The following ADD3 variants were observed in gnomAD, a reference collection of about 807,000 sequenced individuals.
ADD3 encodes the protein gamma-adducin.
ADD3 carries 25 observed loss-of-function variants against 80.2 expected under a neutral mutation model. The ratio of observed to expected loss-of-function variants is 0.31; its 90% CI spans 0.23 to 0.44. The LOEUF (loss-of-function observed/expected upper bound fraction) is 0.44, where lower values mean the gene tolerates loss of function less well. Among genes scored for constraint, ADD3 ranks in the 20% least tolerant of loss-of-function variants. The pLI is 1.00. For missense variants in ADD3, 829 were observed against 847.5 expected (o/e 0.98, Z 0.27); for synonymous variants, 284 against 289.6 (o/e 0.98, Z 0.20).
chr10:109,998,148 T>C (rs1271810098), intron 1 of ADD3, among the ~76,000 whole-genome samples: 1 of 152,178 alleles, frequency 6.6e-6, no homozygotes, highest in African/African-American at 2.4e-5. Context: ...AAAGTGGAGT[T>C]TGTACTCTGA....
At chr10:110,098,588 C>A (rs1361368472) in intron 1 of ADD3, among the ~76,000 whole-genome samples, 1 of 152,078 alleles carries the variant, frequency 6.6e-6, no homozygotes, top group Non-Finnish European at 1.5e-5. Context: ...TCTTTTAACA[C>A]CCATATTTCT....
intron 1 of ADD3, among the ~76,000 whole-genome samples, chr10:110,030,438 C>T (rs1017782319): frequency 5.9e-5 from 9 of 151,320 alleles, no homozygotes; most frequent in Non-Finnish European, 1.2e-4. Context: ...GTTTGACAAA[C>T]TGACTGTGAG....
At chr10:110,072,966 C>T in intron 1 of ADD3, among the ~76,000 whole-genome samples, 1 of 152,046 alleles carries the variant, frequency 6.6e-6, no homozygotes, top group East Asian at 1.9e-4. Context: ...TTGAGTTTTA[C>T]TCCCTCAGCT....
chr10:110,124,259 C>T lies in ADD3; in HGVS notation c.1386C>T (p.Pro462=), dbSNP rs1335272105. The change falls in exon 10 of 15, where the codon CCC becomes CCT. Residue 462 remains proline (P), a synonymous_variant. Coordinates refer to ENST00000356080, the MANE Select transcript of ADD3 (RefSeq NM_016824.5). ...PEESRNGETS[P]RTKITWMKAE... is the part of the protein sequence containing the mutation. Reference sequence around the variant, plus strand: ...AGTCTCGGAACGGAGAAACCAGTCCCCGAACCAAAATCACGGTATGCCAGT... The same window carrying T: ...AGTCTCGGAACGGAGAAACCAGTCCTCGAACCAAAATCACGGTATGCCAGT... The T allele has an allele frequency of 1.9e-6, 3 of 1,613,752 alleles. No individual in the cohort carries two copies. Among genetic ancestry groups the T allele is most frequent in the Admixed American group, 1.7e-5 (1 of 59,996 alleles).
At chr10:110,077,242 C>T (rs1041409983) in intron 1 of ADD3, 3 of 152,038 alleles carry the variant, frequency 2.0e-5, no homozygotes, top group African/African-American at 7.2e-5. Flanking sequence ...TTGGGAGGAG[C>T]CTCTGGCTTT....
chr10:110,062,200 T>TAAAAAA (rs57540485), intron 1 of ADD3, among the ~76,000 whole-genome samples: 3 of 35,234 alleles, frequency 8.5e-5, no homozygotes, highest in African/African-American at 3.1e-4. Context: ...CTGTCTCTAC[T>TAAAAAA]AAAAAAAAAA....
Position 110,134,185 on chromosome 10 carries a change from C to T in ADD3, c.*567C>T, listed in dbSNP as rs1047547288. The T allele has an allele frequency of 6.6e-6, 1 of 152,322 alleles. No individual in the cohort carries two copies. The highest frequency in any genetic ancestry group is 6.6e-5 in the Admixed American group (1 of 15,264). 9.4% of individuals were successfully genotyped at this position (152,322 alleles called of 1,614,324 possible). On this transcript the variant is annotated 3_prime_UTR_variant, in exon 15 of 15. Coordinates refer to ENST00000356080, the MANE Select transcript of ADD3 (RefSeq NM_016824.5). ...TTATTCACAGTATAAAATTTCCTCA[C>T]CTGAAGTAACTTTGTTTGCCAAAAA...
In ADD3 at chr10:110,024,930, C is replaced by CTT. The variant is rs769862106; in HGVS notation, c.-30+16644_-30+16645dup. ...AACCACTCAAGTTTCCTCCTCTTTT[C>CTT]TTTTTTTTTTTTTTGGAGACAGAGT... On this transcript the variant is annotated intron_variant, in intron 1 of 14. Coordinates refer to ENST00000356080, the MANE Select transcript of ADD3 (RefSeq NM_016824.5). Among the ~76,000 whole-genome samples the CTT allele has an allele frequency of 1.4e-3, 193 of 141,482 alleles. 1 individual carries two copies. The highest frequency in any genetic ancestry group is 4.5e-3 in the African/African-American group (176 of 38,942). 92.8% of individuals were successfully genotyped at this position (141,482 alleles called of 152,430 possible). A position where few individuals can be genotyped will look rare whatever the true frequency, so the allele number is the denominator to read the frequency against.
chr10:110,026,330 A>G (rs1020206278), intron 1 of ADD3, among the ~76,000 whole-genome samples: 85 of 143,230 alleles, frequency 5.9e-4, no homozygotes, highest in African/African-American at 2.2e-3. Context: ...TGCCCAGGCT[A>G]GAGTGCAGTG....
At chr10:110,019,299 T>C (rs943170411) in intron 1 of ADD3, among the ~76,000 whole-genome samples, 4 of 152,272 alleles carry the variant, frequency 2.6e-5, no homozygotes, top group Admixed American at 6.5e-5. Flanking sequence ...CCTTACTATT[T>C]GAAAAATTCT....
rs921046564 is a variant in ADD3 at position 110,054,097 on chromosome 10, G to A, written c.-30+45798G>A. Among the ~76,000 whole-genome samples, 6 of 152,096 alleles carry A rather than the reference G, an allele frequency of 3.9e-5. No homozygotes were observed. The South Asian group carries it at 1.2e-3, about 32-fold the overall frequency. On this transcript the variant is annotated intron_variant, in intron 1 of 14. Coordinates refer to ENST00000356080, the MANE Select transcript of ADD3 (RefSeq NM_016824.5). ...AACTAAGCTGTAGAACAGAATATGCGATATAATAGATTTTTAAAAGTATGA... is the reference window on the plus strand; with the variant it reads ...AACTAAGCTGTAGAACAGAATATGCAATATAATAGATTTTTAAAAGTATGA...
chr10:110,113,652 G>C (rs1850333948), intron 3 of ADD3, among the ~76,000 whole-genome samples: 1 of 152,108 alleles, frequency 6.6e-6, no homozygotes, highest in African/African-American at 2.4e-5. Flanking sequence ...TGGAAGTTTG[G>C]GTTTTATTCC....
At chr10:110,055,350 G>C (rs1412886236) in intron 1 of ADD3, among the ~76,000 whole-genome samples, 1 of 152,112 alleles carries the variant, frequency 6.6e-6, no homozygotes, top group African/African-American at 2.4e-5. Context: ...AATATTACAC[G>C]TGGTACTTCT....
intron 1 of ADD3, among the ~76,000 whole-genome samples, chr10:110,065,539 C>CCTTTTTTTTTTTTTTTTTTTTT (rs1843806502): frequency 1.6e-4 from 5 of 31,170 alleles, no homozygotes; most frequent in African/African-American, 4.0e-4. Flanking sequence ...TCTCTCTCCC[C>CCTTTTTTTTTTTTTTTTTTTTT]TTTTTTTTTT....
At chr10:110,049,262 G>A (rs1857228617) in intron 1 of ADD3, among the ~76,000 whole-genome samples, 1 of 152,206 alleles carries the variant, frequency 6.6e-6, no homozygotes, top group Admixed American at 6.5e-5. Flanking sequence ...CAGGGCTGGG[G>A]CCGTCATGGA....
chr10:110,028,902 G>A (rs1216586252), intron 1 of ADD3, among the ~76,000 whole-genome samples: 2 of 140,464 alleles, frequency 1.4e-5, no homozygotes, highest in Admixed American at 7.2e-5. Flanking sequence ...TTTTTGAAAC[G>A]GAGTTTTGCT....
chr10:110,070,913 T>C (rs1434936690), intron 1 of ADD3, among the ~76,000 whole-genome samples: 1 of 146,452 alleles, frequency 6.8e-6, no homozygotes. Flanking sequence ...AAGCTGAGAG[T>C]GTTAGTAGGC....
chr10:110,065,108 T>G (rs532617001), intron 1 of ADD3, among the ~76,000 whole-genome samples: 34 of 152,348 alleles, frequency 2.2e-4, no homozygotes, highest in African/African-American at 7.7e-4. Context: ...CAGCCTGCCC[T>G]TCCAGTTTTA....
chr10:110,055,485 GTAT>G (rs1367071935), intron 1 of ADD3, among the ~76,000 whole-genome samples: 2 of 152,052 alleles, frequency 1.3e-5, no homozygotes, highest in Non-Finnish European at 2.9e-5. Context: ...TTTGGCAATG[GTAT>G]TATCTCAGAT....
Sources: gnomAD v4.1 joint callset for allele counts (sites outside exome capture counted in the v4.1 genomes callset) on GRCh38, gnomAD v4.1.1 for gene constraint, MANE v1.5 for transcripts, NCBI Gene and HGNC (gene_info 2026-07-23, HGNC 2026-07-21) for gene names.